EPB41L3: variants seen among roughly 807,000 people sequenced by gnomAD.
EPB41L3 encodes the protein erythrocyte membrane protein band 4.1 like 3.
Under a neutral mutation model 127.1 loss-of-function variants are expected in EPB41L3, and 57 were observed. That is an observed-to-expected ratio of 0.45 (90% CI 0.36 to 0.56). The LOEUF (loss-of-function observed/expected upper bound fraction) is 0.56. Ranked by LOEUF, EPB41L3 falls within the 20% of genes least tolerant of loss-of-function variation. The probability of loss-of-function intolerance (pLI) is 0.00; values close to 1 mark genes in which losing one functional copy is unlikely to be tolerated. For missense variants in EPB41L3, 1,273 were observed against 1,372.2 expected (o/e 0.93, Z 1.14); for synonymous variants, 572 against 549.5 (o/e 1.04, Z -0.57).
chr18:5,593,270 G>T (rs2094503801), intron 3 of EPB41L3, among the ~76,000 whole-genome samples: 2 of 147,144 alleles, frequency 1.4e-5, no homozygotes, highest in South Asian at 4.4e-4. Flanking sequence ...GATATTTCAT[G>T]TATGTTCCAT....
intron 3 of EPB41L3, among the ~76,000 whole-genome samples, chr18:5,579,446 A>G (rs2094370015): frequency 6.6e-6 from 1 of 152,234 alleles, no homozygotes; most frequent in South Asian, 2.1e-4. Context: ...CATTAACCAA[A>G]GATTATTAGT....
chr18:5,414,541 C>A (rs2076563239), intron 13 of EPB41L3, among the ~76,000 whole-genome samples: 1 of 152,106 alleles, frequency 6.6e-6, no homozygotes, highest in African/African-American at 2.4e-5. Context: ...TCTAGCTGAG[C>A]ACAGATTTAG....
intron 3 of EPB41L3, among the ~76,000 whole-genome samples, chr18:5,603,343 G>A (rs1752078460): frequency 6.6e-6 from 1 of 152,150 alleles, no homozygotes; most frequent in South Asian, 2.1e-4. Context: ...GGTTCTTAGA[G>A]GACAATGTCA....
In EPB41L3 at chr18:5,529,928, ATGTGTGTGTGTG is replaced by A. The variant is rs10611279; in HGVS notation, c.-12+13973_-12+13984del. On this transcript the variant is annotated intron_variant, in intron 1 of 22. Coordinates refer to ENST00000341928, the MANE Select transcript of EPB41L3 (RefSeq NM_012307.5). ...CACCAACCCCACCATCAACTCATATATGTGTGTGTGTGTGTGTGTGTGTGTGTGTGTGTATCT... is the reference window on the plus strand; with the variant it reads ...CACCAACCCCACCATCAACTCATATATGTGTGTGTGTGTGTGTGTGTATCT... Among the ~76,000 whole-genome samples, 51 of 146,884 alleles carry A rather than the reference ATGTGTGTGTGTG, an allele frequency of 3.5e-4. 1 individual carries two copies. The highest frequency in any genetic ancestry group is 1.1e-3 in the African/African-American group (42 of 39,254).
At chr18:5,556,239 A>G (rs1177049891) in intron 3 of EPB41L3, among the ~76,000 whole-genome samples, 1 of 152,226 alleles carries the variant, frequency 6.6e-6, no homozygotes, top group Non-Finnish European at 1.5e-5. Context: ...TGCTAGATAC[A>G]AAGGAAAAAG....
intron 5 of EPB41L3, among the ~76,000 whole-genome samples, chr18:5,438,883 CAT>C (rs2080250798): frequency 1.3e-5 from 2 of 152,212 alleles, no homozygotes; most frequent in Admixed American, 1.3e-4. Context: ...ATTGTCAACA[CAT>C]ATCCTTGAAA....
intron 5 of EPB41L3, among the ~76,000 whole-genome samples, chr18:5,441,139 G>C (rs1372367105): frequency 1.3e-5 from 2 of 152,210 alleles, no homozygotes; most frequent in African/African-American, 4.8e-5. Context: ...TGGTCCTCCT[G>C]TCTTGGCCTC....
rs901249560 is a variant in EPB41L3 at position 5,401,060 on chromosome 18, G to A, written c.2350-2917C>T. ...TTCTTTGGTCTGTTTGAATAAAGGG[G>A]GTTGGGTTGGAGAAGAGGAAGTAGA... On this transcript the variant is annotated intron_variant, in intron 16 of 22. Transcript: ENST00000341928. 3 of 1,513,322 alleles carry A rather than the reference G, an allele frequency of 2.0e-6. No individual in the cohort carries two copies. In the South Asian group the frequency reaches 3.6e-5, roughly 18 times the overall value. The allele number at this position is 1,513,322 out of a possible 1,614,324, so 93.7% of individuals were successfully genotyped here.
chr18:5,428,005 C>T (rs554409665), intron 9 of EPB41L3, among the ~76,000 whole-genome samples: 1 of 152,130 alleles, frequency 6.6e-6, no homozygotes, highest in African/African-American at 2.4e-5. Context: ...CACCCCGCCC[C>T]CGGCCTCCCA....
At chr18:5,393,683 ATC>A in intron 22 of EPB41L3, 1 of 446,598 alleles carries the variant, frequency 2.2e-6, no homozygotes, top group Non-Finnish European at 3.9e-6. Flanking sequence ...CATGGAAGAA[ATC>A]TGTTTTATTT....
At chr18:5,593,839 C>T (rs1391166365) in intron 3 of EPB41L3, among the ~76,000 whole-genome samples, 2 of 152,196 alleles carry the variant, frequency 1.3e-5, no homozygotes, top group East Asian at 1.9e-4. Flanking sequence ...CGATATTTCT[C>T]CCATTTGCTT....
chr18:5,540,493 C>T, intron 1 of EPB41L3: 1 of 985,476 alleles, frequency 1.0e-6, no homozygotes, highest in Non-Finnish European at 1.2e-6. Context: ...AGGACAATGA[C>T]TTCACTGCTC....
chr18:5,582,473 T>C (rs1290090313), intron 3 of EPB41L3, among the ~76,000 whole-genome samples: 1 of 152,252 alleles, frequency 6.6e-6, no homozygotes, highest in African/African-American at 2.4e-5. Flanking sequence ...ATCTGGAGCC[T>C]ACAATTTAAT....
intron 3 of EPB41L3, chr18:5,570,730 C>T (rs1357836587): frequency 1.3e-5 from 2 of 152,120 alleles, no homozygotes; most frequent in Non-Finnish European, 2.9e-5. Flanking sequence ...TTAGGTATAT[C>T]TCCTAATGCT....
At chr18:5,498,819 T>A (rs532988676) in intron 1 of EPB41L3, among the ~76,000 whole-genome samples, 1 of 152,234 alleles carries the variant, frequency 6.6e-6, no homozygotes, top group African/African-American at 2.4e-5. Context: ...AACTATTTTC[T>A]CCATTTTCTG....
At chr18:5,393,846 T>A in intron 22 of EPB41L3, 1 of 191,450 alleles carries the variant, frequency 5.2e-6, no homozygotes, top group Non-Finnish European at 1.1e-5. Context: ...TTTTATCACA[T>A]CACCAAGTTG....
At chr18:5,445,874 T>C (rs554945256) in intron 3 of EPB41L3, among the ~76,000 whole-genome samples, 1 of 152,172 alleles carries the variant, frequency 6.6e-6, no homozygotes, top group African/African-American at 2.4e-5. Flanking sequence ...GCGCTCCTTA[T>C]GAGAATCTAA....
At chr18:5,630,419 G>C, upstream of EPB41L3, 1 of 518,874 alleles carries the variant, frequency 1.9e-6, no homozygotes, top group Non-Finnish European at 3.8e-6. Flanking sequence ...CCCGGAGCTT[G>C]TTCGCAGCCC....
chr18:5,561,735 A>G (rs1011417559), intron 3 of EPB41L3, among the ~76,000 whole-genome samples: 1 of 152,208 alleles, frequency 6.6e-6, no homozygotes, highest in African/African-American at 2.4e-5. Flanking sequence ...TTATTATCGC[A>G]AAGGGAAACA....
Sources: allele counts gnomAD v4.1 joint callset (sites outside exome capture counted in the v4.1 genomes callset), GRCh38; gene constraint gnomAD v4.1.1; transcripts MANE v1.5; gene names NCBI Gene and HGNC (gene_info 2026-07-23, HGNC 2026-07-21).